NAALADL2: variants seen among roughly 807,000 people sequenced by gnomAD.
The protein encoded by NAALADL2 is N-acetylated alpha-linked acidic dipeptidase like 2.
Under a neutral mutation model 87.2 loss-of-function variants are expected in NAALADL2, and 76 were observed. The ratio of observed to expected loss-of-function variants is 0.87; its 90% CI spans 0.72 to 1.05. The LOEUF (loss-of-function observed/expected upper bound fraction) is 1.05, where lower values mean the gene tolerates loss of function less well. Among genes scored for constraint, NAALADL2 ranks in the 50% least tolerant of loss-of-function variants. The pLI is 0.00. For synonymous variants in NAALADL2, 354 were observed against 331.0 expected (o/e 1.07, Z -0.75); for missense variants, 1,089 against 945.8 (o/e 1.15, Z -1.99).
Position 175,309,558 on chromosome 3 carries a change from A to G in NAALADL2, c.940-14617A>G, listed in dbSNP as rs142397014. 2.2e-3 allele frequency among the ~76,000 whole-genome samples: 329 copies of G among 152,232 alleles called. 1 individual carries two copies. Among genetic ancestry groups the G allele is most frequent in the African/African-American group, 7.4e-3 (308 of 41,562 alleles). The stretch of plus-strand genomic sequence containing the variant: ...AAAAAAAACGTGGTTTAAAAAAATT[A>G]TAGAAGAACTAGAAGACCTTAAAGA... On this transcript the variant is annotated intron_variant, in intron 4 of 13. Transcript: ENST00000454872.
chr3:174,978,524 C>G (rs1437670906), intron 1 of NAALADL2, among the ~76,000 whole-genome samples: 2 of 152,178 alleles, frequency 1.3e-5, no homozygotes, highest in Admixed American at 6.5e-5. Context: ...CTAATTGCCA[C>G]TCTATAGATA....
At chr3:175,015,416 A>C (rs1254180928) in intron 1 of NAALADL2, among the ~76,000 whole-genome samples, 2 of 152,038 alleles carry the variant, frequency 1.3e-5, no homozygotes, top group Admixed American at 6.6e-5. Flanking sequence ...GAAGTGCATT[A>C]AGCAGTCGCC....
chr3:174,702,529 A>G (rs554069913), intron 2 of NAALADL2, among the ~76,000 whole-genome samples: 136 of 152,316 alleles, frequency 8.9e-4, no homozygotes, highest in African/African-American at 3.2e-3. Flanking sequence ...ATACATTCTA[A>G]GAAATATGTC....
chr3:175,061,004 C>T (rs932645366), intron 1 of NAALADL2, among the ~76,000 whole-genome samples: 3 of 152,136 alleles, frequency 2.0e-5, no homozygotes, highest in Non-Finnish European at 4.4e-5. Flanking sequence ...TGAGATCGTG[C>T]CATTGCACCT....
intron 1 of NAALADL2, among the ~76,000 whole-genome samples, chr3:174,517,159 T>G (rs1878019): frequency 0.031 from 4,773 of 152,066 alleles, 235 homozygotes; most frequent in African/African-American, 0.11. Context: ...AAGAGAAAAT[T>G]AACACAGTTT....
intron 11 of NAALADL2, among the ~76,000 whole-genome samples, chr3:175,664,231 T>C (rs1051948214): frequency 6.6e-6 from 1 of 152,100 alleles, no homozygotes; most frequent in Admixed American, 6.5e-5. Flanking sequence ...GGTATAGAAC[T>C]ACCCTTTTAG....
chr3:174,960,384 AG>A (rs1741801853), intron 1 of NAALADL2, among the ~76,000 whole-genome samples: 1 of 152,048 alleles, frequency 6.6e-6, no homozygotes, highest in African/African-American at 2.4e-5. Context: ...CCTGGTATTA[AG>A]TGTGATCATA....
rs1285626182 is a variant in NAALADL2, at chr3:175,065,018, TATATC to T, written c.44-31770_44-31766del. Among the ~76,000 whole-genome samples, 177 of 152,200 alleles carry T rather than the reference TATATC, an allele frequency of 1.2e-3. 2 individuals are homozygous for T. The highest frequency in any genetic ancestry group is 2.1e-4 in the Non-Finnish European group (14 of 68,020). ...TTTCGACAATTACATATATTAATAA[TATATC>T]AGAGTAAAAAGTGAGAAAAAAAATT... On this transcript the variant is annotated intron_variant, in intron 1 of 13. Transcript: ENST00000454872.
chr3:174,684,111 C>T (rs1168702048), intron 2 of NAALADL2, among the ~76,000 whole-genome samples: 1 of 151,900 alleles, frequency 6.6e-6, no homozygotes, highest in Non-Finnish European at 1.5e-5. Context: ...ATCACACACC[C>T]TCCTTACTTC....
chr3:175,659,645 TA>T (rs2149808406), intron 11 of NAALADL2, among the ~76,000 whole-genome samples: 1 of 152,316 alleles, frequency 6.6e-6, no homozygotes, highest in African/African-American at 2.4e-5. Context: ...CTGAATTGAC[TA>T]AATTCAGTAT....
At chr3:175,010,320 T>C (rs1579995982) in intron 1 of NAALADL2, among the ~76,000 whole-genome samples, 1 of 152,170 alleles carries the variant, frequency 6.6e-6, no homozygotes, top group African/African-American at 2.4e-5. Context: ...AAGCCAATTA[T>C]GGCACATCTT....
At chr3:174,828,401 G>A (rs1722238917) in intron 3 of NAALADL2, among the ~76,000 whole-genome samples, 1 of 152,126 alleles carries the variant, frequency 6.6e-6, no homozygotes, top group African/African-American at 2.4e-5. Flanking sequence ...TAATTGCTTG[G>A]CATCATAGAG....
At chr3:175,374,515 G>C (rs867113166) in intron 5 of NAALADL2, among the ~76,000 whole-genome samples, 1 of 115,940 alleles carries the variant, frequency 8.6e-6, no homozygotes, top group Non-Finnish European at 1.6e-5. Flanking sequence ...GATCATTCCA[G>C]TCTGGTTGAC....
chr3:175,372,707 C>A (rs1766661563), intron 5 of NAALADL2, among the ~76,000 whole-genome samples: 1 of 152,164 alleles, frequency 6.6e-6, no homozygotes, highest in African/African-American at 2.4e-5. Context: ...CGTTGCCATA[C>A]TCAATAGAAT....
chr3:175,156,839 A>T (rs528660042), intron 2 of NAALADL2, among the ~76,000 whole-genome samples: 2 of 152,176 alleles, frequency 1.3e-5, no homozygotes, highest in Non-Finnish European at 2.9e-5. Flanking sequence ...CAAGTTAAAA[A>T]ATAGATGTTT....
chr3:175,396,687 G>A (rs1334333935), intron 5 of NAALADL2, among the ~76,000 whole-genome samples: 1 of 152,040 alleles, frequency 6.6e-6, no homozygotes, highest in Admixed American at 6.6e-5. Context: ...ATAAACCCAC[G>A]TGTTGTGGGA....
At chr3:174,642,312 C>T (rs1261133571) in intron 2 of NAALADL2, among the ~76,000 whole-genome samples, 1 of 151,708 alleles carries the variant, frequency 6.6e-6, no homozygotes, top group African/African-American at 2.4e-5. Flanking sequence ...ACCAGCCTGG[C>T]CAACATGGTG....
At chr3:175,420,077 T>C (rs1274969661) in intron 5 of NAALADL2, among the ~76,000 whole-genome samples, 1 of 151,874 alleles carries the variant, frequency 6.6e-6, no homozygotes, top group African/African-American at 2.4e-5. Flanking sequence ...CAATAAATAT[T>C]TTTCAACCAG....
At chr3:175,667,177 G>T (rs1473222183) in intron 11 of NAALADL2, among the ~76,000 whole-genome samples, 2 of 115,604 alleles carry the variant, frequency 1.7e-5, no homozygotes, top group Non-Finnish European at 1.7e-5. Context: ...AAGAAAGAAA[G>T]AAAGAGAAAG....
Sources: gnomAD v4.1 joint callset for allele counts (sites outside exome capture counted in the v4.1 genomes callset) on GRCh38, gnomAD v4.1.1 for gene constraint, MANE v1.5 for transcripts, NCBI Gene and HGNC (gene_info 2026-07-23, HGNC 2026-07-21) for gene names.